Variants in SMYD3 observed in about 807,000 individuals in gnomAD.
The protein encoded by SMYD3 is SET and MYND domain containing 3, also known as histone-lysine N-methyltransferase SMYD3.
A neutral mutation model predicts 57.7 loss-of-function variants in SMYD3; 36 were observed. The observed-to-expected ratio is 0.62, with a 90% CI of 0.48 to 0.82. The LOEUF is 0.82. Ranked by LOEUF, SMYD3 falls within the 40% of genes least tolerant of loss-of-function variation. SMYD3 has a pLI of 0.00. For missense variants in SMYD3, 515 were observed against 538.8 expected (o/e 0.96, Z 0.44); for synonymous variants, 211 against 195.0 (o/e 1.08, Z -0.68).
chr1:246,500,354 C>A (rs1210793846), intron 1 of SMYD3, among the ~76,000 whole-genome samples: 1 of 152,148 alleles, frequency 6.6e-6, no homozygotes, highest in African/African-American at 2.4e-5. Flanking sequence ...AAGCATTAGC[C>A]CATTGCTCTA....
At chr1:245,951,861 A>G (rs1019289626) in intron 5 of SMYD3, among the ~76,000 whole-genome samples, 3 of 152,166 alleles carry the variant, frequency 2.0e-5, no homozygotes, top group African/African-American at 7.2e-5. Context: ...AAAATTCCAC[A>G]TGATCCTTTC....
rs187904657 is a variant in SMYD3, at chr1:246,230,266, T to C, written c.531+96935A>G. ...TTAATTCTCAAACAAATGACATCAA[T>C]CTTTTTTTCACATGTAAAGAAACAA... On this transcript the variant is annotated intron_variant, in intron 5 of 11. Transcript: ENST00000490107. 3.9e-5 allele frequency among the ~76,000 whole-genome samples: 6 copies of C among 152,276 alleles called. No individual in the cohort carries two copies. The East Asian group carries it at 1.2e-3, about 29-fold the overall frequency.
At chr1:246,148,150 CT>C (rs1318037759) in intron 5 of SMYD3, among the ~76,000 whole-genome samples, 4 of 152,118 alleles carry the variant, frequency 2.6e-5, no homozygotes, top group Admixed American at 2.0e-4. Context: ...CTTGTGGTGC[CT>C]CGTCTGGGTG....
intron 5 of SMYD3, among the ~76,000 whole-genome samples, chr1:246,300,897 A>C (rs1398135994): frequency 6.6e-6 from 1 of 152,184 alleles, no homozygotes; most frequent in Non-Finnish European, 1.5e-5. Context: ...TCTGGATTTT[A>C]TTGCAAGCAA....
intron 10 of SMYD3, among the ~76,000 whole-genome samples, chr1:245,821,053 G>C (rs57353549): frequency 0.09 from 13,589 of 150,480 alleles, 2,087 homozygotes; most frequent in African/African-American, 0.31. Flanking sequence ...CTACTTTAAA[G>C]TTCATATGGA....
rs1350409298 is a variant in SMYD3 at position 245,921,832 on chromosome 1, GC to G, written c.702+6098del. On this transcript the variant is annotated intron_variant, in intron 7 of 11. Coordinates refer to ENST00000490107, the MANE Select transcript of SMYD3 (RefSeq NM_001167740.2). ...ATAAAGATGGCAATGACAGACACTG[GC>G]ACTACTAGAGAGGGAGGTAGGGCAA... is the stretch of plus-strand genomic sequence containing the variant. Among the ~76,000 whole-genome samples, 3 of 152,074 alleles carry G rather than the reference GC, an allele frequency of 2.0e-5. No homozygotes were observed. In the East Asian group the frequency reaches 5.8e-4, roughly 29 times the overall value.
intron 10 of SMYD3, among the ~76,000 whole-genome samples, chr1:245,769,031 A>G (rs2362929): frequency 0.44 from 66,411 of 152,040 alleles, 16,110 homozygotes; most frequent in East Asian, 0.88. Context: ...TAACCTGCCT[A>G]TTTAAATTGT....
chr1:245,896,297 A>G (rs950599399), intron 8 of SMYD3, among the ~76,000 whole-genome samples: 3 of 151,726 alleles, frequency 2.0e-5, no homozygotes, highest in Non-Finnish European at 4.4e-5. Flanking sequence ...AGATGCTGTA[A>G]GTTCAAACCT....
intron 1 of SMYD3, among the ~76,000 whole-genome samples, chr1:246,366,545 C>G (rs879031434): frequency 2.7e-5 from 4 of 148,464 alleles, no homozygotes; most frequent in Admixed American, 6.7e-5. Flanking sequence ...AGCCACCAGA[C>G]AGTACGAGAA....
intron 5 of SMYD3, chr1:246,321,854 T>C (rs1412714636): frequency 1.3e-5 from 2 of 152,392 alleles, no homozygotes; most frequent in Non-Finnish European, 2.9e-5. Context: ...GCTCAAGCAA[T>C]CCTCCCACCT....
At chr1:246,179,646 T>C (rs1304821071) in intron 5 of SMYD3, among the ~76,000 whole-genome samples, 1 of 152,124 alleles carries the variant, frequency 6.6e-6, no homozygotes. Context: ...AGTGCTGGAG[T>C]GAGGCCACTT....
At chr1:246,462,606 A>C (rs1185062402) in intron 1 of SMYD3, among the ~76,000 whole-genome samples, 9 of 152,170 alleles carry the variant, frequency 5.9e-5, no homozygotes, top group Admixed American at 5.9e-4. Flanking sequence ...AATCACCATC[A>C]GGCCATCTGG....
At chr1:246,213,777 A>C (rs1572221547) in intron 5 of SMYD3, among the ~76,000 whole-genome samples, 1 of 152,286 alleles carries the variant, frequency 6.6e-6, no homozygotes, top group East Asian at 1.9e-4. Flanking sequence ...TCGGCCATTG[A>C]GTAAATCCCA....
intron 5 of SMYD3, among the ~76,000 whole-genome samples, chr1:245,960,694 T>C (rs1436466096): frequency 6.6e-6 from 1 of 151,926 alleles, no homozygotes; most frequent in Non-Finnish European, 1.5e-5. Flanking sequence ...GCCACTGCAC[T>C]CCAGCCTGGG....
At chr1:245,911,873 A>G (rs1367551880) in intron 8 of SMYD3, among the ~76,000 whole-genome samples, 1 of 152,138 alleles carries the variant, frequency 6.6e-6, no homozygotes, top group African/African-American at 2.4e-5. Context: ...AATAGCTAGA[A>G]GAGAAAATTT....
At position 245,963,509 on chromosome 1, in the gene SMYD3, G is replaced by A. The variant is rs562247177; in HGVS notation, c.532-33572C>T. ...ACTCCAGAGGTGCCCATCATGGGGA[G>A]TAGGGAGGGATAAGCTTTTGTGAGT... On this transcript the variant is annotated intron_variant, in intron 5 of 11. Transcript: ENST00000490107. Among the ~76,000 whole-genome samples the A allele has an allele frequency of 1.1e-3, 163 of 151,966 alleles. 1 individual carries two copies. Among genetic ancestry groups the A allele is most frequent in the African/African-American group, 3.6e-3 (148 of 41,480 alleles).
intron 10 of SMYD3, among the ~76,000 whole-genome samples, chr1:245,813,795 G>A (rs1301290838): frequency 6.8e-6 from 1 of 146,770 alleles, no homozygotes; most frequent in African/African-American, 2.6e-5. Context: ...AAGATGTTGA[G>A]TTTAGATGGC....
chr1:246,376,199 C>T (rs2066273835), intron 1 of SMYD3, among the ~76,000 whole-genome samples: 1 of 152,000 alleles, frequency 6.6e-6, no homozygotes, highest in African/African-American at 2.4e-5. Context: ...CATATATATA[C>T]ACACACAGCT....
At chr1:246,047,901 C>A (rs565212664) in intron 5 of SMYD3, among the ~76,000 whole-genome samples, 1 of 151,880 alleles carries the variant, frequency 6.6e-6, no homozygotes, top group African/African-American at 2.4e-5. Context: ...AAGATACCCA[C>A]GACAGGAAAC....
Sources: gnomAD v4.1 joint callset for allele counts (sites outside exome capture counted in the v4.1 genomes callset) on GRCh38, gnomAD v4.1.1 for gene constraint, MANE v1.5 for transcripts, NCBI Gene and HGNC (gene_info 2026-07-23, HGNC 2026-07-21) for gene names.